HRG: variants seen among roughly 807,000 people sequenced by gnomAD.
HRG encodes histidine-rich glycoprotein.
A neutral mutation model predicts 29.5 loss-of-function variants in HRG; 26 were observed. That is an observed-to-expected ratio of 0.88 (90% CI 0.65 to 1.22). The LOEUF (loss-of-function observed/expected upper bound fraction) is 1.22. Ranked by LOEUF, HRG falls within the 50% of genes most tolerant of loss-of-function variation. The pLI is 0.00. For synonymous variants in HRG, 243 were observed against 240.4 expected (o/e 1.01, Z -0.10); for missense variants, 671 against 654.5 (o/e 1.03, Z -0.28).
intron 1 of HRG, 96 bp downstream of exon 1, chr3:186,666,310 G>A: frequency 7.7e-7 from 1 of 1,299,530 alleles, no homozygotes; most frequent in South Asian, 1.2e-5. Flanking sequence ...ACAATGAATG[G>A]CTTTGGTCAG....
chr3:186,667,914 C>G (rs1718664370), intron 1 of HRG, among the ~76,000 whole-genome samples: 1 of 152,126 alleles, frequency 6.6e-6, no homozygotes, highest in African/African-American at 2.4e-5. Flanking sequence ...AGACATGAAG[C>G]CTGCCTCTAA....
In HRG at chr3:186,671,653, G is replaced by C. The variant is rs1441070045; in HGVS notation, c.422G>C (p.Ser141Thr). ...VSSALANTKD[S>T]PVLIDFFEDT... ...TCAGCACTGGCCAATACCAAAGATA[G>C]TCCGGTCCTCATAGATTTCTTTGAG... The change falls in exon 4 of 7, where the codon AGT (serine) becomes ACT (threonine). Residue 141 changes from serine to threonine, a missense_variant. Coordinates refer to ENST00000232003, the MANE Select transcript of HRG (RefSeq NM_000412.5). 2 of 1,614,078 alleles carry C rather than the reference G, an allele frequency of 1.2e-6. No homozygotes were observed. The highest frequency in any genetic ancestry group is 3.3e-5 in the Admixed American group (2 of 60,014).
Position 186,677,674 on chromosome 3 carries a change from T to C in HRG, c.1369T>C (p.Ser457Pro). The change falls in exon 7 of 7, where the codon TCT (serine) becomes CCT (proline). Residue 457 changes from serine (S) to proline (P), a missense_variant. Ser to Pro is a moderately conservative substitution (Grantham distance 74). Coordinates refer to ENST00000232003, the MANE Select transcript of HRG (RefSeq NM_000412.5). ...TCCCTTCCATTGCAGACAAATTGGA[T>C]CTGTGTACCGACTCCCTCCTCTAAG... ...PRPFHCRQIG[S>P]VYRLPPLRKG... 6.2e-7 allele frequency: 1 copy of C among 1,613,786 alleles called. No individual in the cohort carries two copies. The highest frequency in any genetic ancestry group is 8.5e-7 in the Non-Finnish European group (1 of 1,179,742).
At chr3:186,672,258 A>G (rs774448227) in intron 4 of HRG, among the ~76,000 whole-genome samples, 4 of 152,218 alleles carry the variant, frequency 2.6e-5, no homozygotes, top group Non-Finnish European at 4.4e-5. Context: ...GACATTTGCT[A>G]TGCATTCAGA....
At chr3:186,667,998 G>A (rs763789786) in intron 1 of HRG, among the ~76,000 whole-genome samples, 15 of 152,188 alleles carry the variant, frequency 9.9e-5, no homozygotes, top group Non-Finnish European at 2.1e-4. Flanking sequence ...GTACTACAGA[G>A]GACAATTTAC....
intron 5 of HRG, 51 bp downstream of exon 5, chr3:186,672,918 GAA>G (rs1718850583): frequency 8.3e-7 from 1 of 1,203,824 alleles, no homozygotes; most frequent in Middle Eastern, 1.9e-4. Flanking sequence ...AGAGAAAAAA[GAA>G]AGAGAAGAAG....
At chr3:186,672,203 G>A (rs1047776284) in intron 4 of HRG, among the ~76,000 whole-genome samples, 2 of 152,174 alleles carry the variant, frequency 1.3e-5, no homozygotes, top group Admixed American at 6.5e-5. Context: ...TCTCTACAAG[G>A]ACCCAAGTAC....
In HRG at chr3:186,677,733, T is replaced by G. The variant is rs1560043011; in HGVS notation, c.1428T>G (p.Asn476Lys). ...AGGTGCTGCCACTTCCTGAGGCCAA[T>G]TTTCCCAGCTTCCCATTGCCGCACC... Reference protein sequence around the residue: ...KGEVLPLPEANFPSFPLPHHK... With the variant: ...KGEVLPLPEAKFPSFPLPHHK... Residue 476 changes from asparagine (N) to lysine (K), a missense_variant, in exon 7 of 7, where the codon AAT (asparagine) becomes AAG (lysine). Asn to Lys is a moderately conservative substitution (Grantham distance 94, BLOSUM62 0). Transcript: ENST00000232003. 1.2e-6 allele frequency: 2 copies of G among 1,611,250 alleles called. No homozygotes were observed. The highest frequency in any genetic ancestry group is 1.7e-6 in the Non-Finnish European group (2 of 1,177,528).
chr3:186,670,056 A>G (rs771187443), intron 3 of HRG, 28 bp downstream of exon 3: 1 of 1,114,024 alleles, frequency 9.0e-7, no homozygotes, highest in South Asian at 1.2e-5. Context: ...ATTGCTAATT[A>G]ATTCTTGATT....
chr3:186,670,134 T>C, intron 3 of HRG, 106 bp downstream of exon 3: 1 of 738,042 alleles, frequency 1.4e-6, no homozygotes, highest in Non-Finnish European at 2.5e-6. Context: ...TATATTCAGA[T>C]GTATTCATGT....
intron 2 of HRG, chr3:186,669,615 G>C (rs752180530): frequency 2.7e-5 from 11 of 402,556 alleles, no homozygotes; most frequent in Non-Finnish European, 4.2e-5. Context: ...AATAAGCAGA[G>C]ATTCAAGATT....
chr3:186,669,991 C>T lies in HRG; in HGVS notation c.354C>T (p.Asp118=), dbSNP rs1230034316. 1.3e-6 allele frequency: 2 copies of T among 1,598,298 alleles called. No homozygotes were observed. The highest frequency in any genetic ancestry group is 2.2e-5 in the East Asian group (1 of 44,798). The stretch of plus-strand genomic sequence containing the variant: ...CAAGACATTCCCATGAATCTCAGGA[C>T]CTCAGAGTGATTGACTTTAACTGCA... The part of the protein sequence containing the change: ...IATRHSHESQ[D]LRVIDFNCTT... Residue 118 remains aspartate (D), a synonymous_variant, in exon 3 of 7, where the codon GAC becomes GAT. Transcript: ENST00000232003.
intron 5 of HRG, chr3:186,673,321 C>G (rs1718867360): frequency 7.9e-6 from 2 of 254,750 alleles, no homozygotes; most frequent in East Asian, 9.5e-5. Flanking sequence ...TCAGGTTGGT[C>G]TCAAACTCCT....
intron 6 of HRG, among the ~76,000 whole-genome samples, chr3:186,676,686 G>T (rs1377737688): frequency 6.6e-6 from 1 of 152,024 alleles, no homozygotes; most frequent in Non-Finnish European, 1.5e-5. Context: ...GGTGGCTTGG[G>T]CGTGTAGTCC....
intron 2 of HRG, 130 bp downstream of exon 2, chr3:186,669,181 T>C: frequency 2.6e-6 from 2 of 763,784 alleles, no homozygotes; most frequent in South Asian, 2.8e-5. Context: ...TTCATGAAGA[T>C]GATGTTAACC....
chr3:186,674,203 C>A (rs1056709394), intron 5 of HRG: 2 of 152,196 alleles, frequency 1.3e-5, no homozygotes, highest in African/African-American at 4.8e-5. Flanking sequence ...CCTCCCTCCC[C>A]TACTCCTATG....
At chr3:186,676,596 TAAAAATAC>T (rs1718998360) in intron 6 of HRG, among the ~76,000 whole-genome samples, 1 of 150,876 alleles carries the variant, frequency 6.6e-6, no homozygotes, top group African/African-American at 2.4e-5. Flanking sequence ...CTGTCTCTAC[TAAAAATAC>T]AAAAATTAGG....
Position 186,671,613 on chromosome 3 carries a change from C to A in HRG, c.392-10C>A. On this transcript the variant is annotated splice_polypyrimidine_tract_variant and intron_variant, in intron 3 of 6. Coordinates refer to ENST00000232003, the MANE Select transcript of HRG (RefSeq NM_000412.5). ...CCCTTTACTGTGACACTGCTATCTT[C>A]TTTCTCCAGTCTCTTCAGCACTGGC... is the stretch of plus-strand genomic sequence containing the variant. 1 of 1,613,486 alleles carries A rather than the reference C, an allele frequency of 6.2e-7. No individual in the cohort carries two copies. The highest frequency in any genetic ancestry group is 8.5e-7 in the Non-Finnish European group (1 of 1,179,406).
intron 3 of HRG, among the ~76,000 whole-genome samples, chr3:186,670,525 C>T (rs961939088): frequency 1.3e-5 from 2 of 152,090 alleles, no homozygotes; most frequent in African/African-American, 4.8e-5. Flanking sequence ...AGTATTAACT[C>T]TAAATTCCAC....
Sources: gnomAD v4.1 joint callset for allele counts (sites outside exome capture counted in the v4.1 genomes callset) on GRCh38, gnomAD v4.1.1 for gene constraint, MANE v1.5 for transcripts, NCBI Gene and HGNC (gene_info 2026-07-23, HGNC 2026-07-21) for gene names.